TMEM132C: variants seen among roughly 807,000 people sequenced by gnomAD.
TMEM132C encodes the protein transmembrane protein 132C, also known as protein phosphatase 1, regulatory subunit 152.
A neutral mutation model predicts 61.4 loss-of-function variants in TMEM132C; 29 were observed. The observed-to-expected ratio is 0.47, with a 90% CI of 0.35 to 0.64. The LOEUF (loss-of-function observed/expected upper bound fraction) is 0.64, where lower values mean the gene tolerates loss of function less well. Among genes scored for constraint, TMEM132C ranks in the 30% least tolerant of loss-of-function variants. The pLI is 0.00. For missense variants in TMEM132C, 1,408 were observed against 1,476.9 expected, an observed-to-expected ratio of 0.95 and a Z score of 0.76; for synonymous variants, 656 against 633.1, an observed-to-expected ratio of 1.04 and a Z score of -0.54.
At chr12:128,392,764 A>G (rs1422626656) in intron 1 of TMEM132C, among the ~76,000 whole-genome samples, 1 of 150,990 alleles carries the variant, frequency 6.6e-6, no homozygotes, top group Middle Eastern at 3.2e-3. Context: ...AAATACACTA[A>G]CACTAATGAT....
rs79484188 is a variant in TMEM132C at position 128,287,866 on chromosome 12, G to A, written c.85+20379G>A. ...TCTTCATAACTCTGACGTGTTTGAAGAGTACAGGCCAGGTTTTTTAGAAGA... is the reference window on the plus strand; with the variant it reads ...TCTTCATAACTCTGACGTGTTTGAAAAGTACAGGCCAGGTTTTTTAGAAGA... On this transcript the variant is annotated intron_variant, in intron 1 of 8. Transcript: ENST00000435159. Among the ~76,000 whole-genome samples, 1,022 of 152,250 alleles carry A rather than the reference G, an allele frequency of 6.7e-3. 10 individuals carry two copies. The highest frequency in any genetic ancestry group is 6.0e-3 in the Admixed American group (92 of 15,298).
chr12:128,472,185 A>T (rs1055439702), intron 2 of TMEM132C, among the ~76,000 whole-genome samples: 1 of 152,290 alleles, frequency 6.6e-6, no homozygotes, highest in East Asian at 1.9e-4. Context: ...TCTGGGCTAC[A>T]TAATAACTCG....
rs1396865000 is a variant in TMEM132C, at chr12:128,570,948, C to G, written c.1121+26845C>G. On this transcript the variant is annotated intron_variant, in intron 3 of 8. Transcript: ENST00000435159. This position sits in a 1 kb window ranked among gnomAD's most constrained non-coding sequence, Gnocchi z 4.7. ...TATTTTCACTTTGGCACGTTACCAC[C>G]CTGAAAAGATCAGGGCTTTGTTAGC... 2.0e-5 allele frequency among the ~76,000 whole-genome samples: 3 copies of G among 152,144 alleles called. No homozygotes were observed. Among genetic ancestry groups the G allele is most frequent in the African/African-American group, 7.2e-5 (3 of 41,408 alleles).
At chr12:128,300,499 TGTG>T (rs1444503721) in intron 1 of TMEM132C, among the ~76,000 whole-genome samples, 3 of 152,142 alleles carry the variant, frequency 2.0e-5, no homozygotes, top group Non-Finnish European at 4.4e-5. Flanking sequence ...ACAGCATAGT[TGTG>T]GTGGGCACTC....
At chr12:128,285,719 CTT>C (rs1871035775) in intron 1 of TMEM132C, among the ~76,000 whole-genome samples, 1 of 144,434 alleles carries the variant, frequency 6.9e-6, no homozygotes, top group African/African-American at 2.7e-5. Context: ...CCCTTTCTCT[CTT>C]TCTCTCTCTC....
At chr12:128,449,252 C>A (rs575279029) in intron 2 of TMEM132C, among the ~76,000 whole-genome samples, 8 of 151,856 alleles carry the variant, frequency 5.3e-5, no homozygotes, top group Non-Finnish European at 1.2e-4. Flanking sequence ...GAGTTTGGAG[C>A]CAGAAGGCTG....
intron 2 of TMEM132C, among the ~76,000 whole-genome samples, chr12:128,538,883 C>T (rs1336300664): frequency 1.3e-5 from 2 of 152,152 alleles, no homozygotes; most frequent in African/African-American, 2.4e-5. Context: ...AATATAAGTA[C>T]ATGTGCTAAT....
At chr12:128,663,676 T>C (rs1214482972) in intron 4 of TMEM132C, among the ~76,000 whole-genome samples, 6 of 151,404 alleles carry the variant, frequency 4.0e-5, no homozygotes, top group Non-Finnish European at 8.8e-5. Flanking sequence ...AAATTACTTC[T>C]ATGTATAGGT....
At chr12:128,380,431 G>GCATTCTTGCTGCA (rs1281713945) in intron 1 of TMEM132C, among the ~76,000 whole-genome samples, 1 of 152,224 alleles carries the variant, frequency 6.6e-6, no homozygotes, top group Non-Finnish European at 1.5e-5. Context: ...ATGCCACTGA[G>GCATTCTTGCTGCA]TCACAGCAAG....
At chr12:128,588,744 G>T (rs989603593) in intron 3 of TMEM132C, among the ~76,000 whole-genome samples, 1 of 152,174 alleles carries the variant, frequency 6.6e-6, no homozygotes, top group Non-Finnish European at 1.5e-5. Context: ...TGAGGACACA[G>T]CATCTATGAA....
At chr12:128,393,943 C>A (rs1036287889) in intron 1 of TMEM132C, among the ~76,000 whole-genome samples, 1 of 152,122 alleles carries the variant, frequency 6.6e-6, no homozygotes, top group African/African-American at 2.4e-5. Context: ...TAAGTGCATG[C>A]GAGGCTGAGA....
chr12:128,661,639 T>C lies in TMEM132C; in HGVS notation c.1306-7778T>C, dbSNP rs148220347. On this transcript the variant is annotated intron_variant, in intron 4 of 8. Coordinates refer to ENST00000435159, the MANE Select transcript of TMEM132C (RefSeq NM_001136103.3). ...CAAAGGCAAAGAATTTGAAACACTG[T>C]AAGTTTCCATGGGTAAGAGAATGGA... Among the ~76,000 whole-genome samples the C allele has an allele frequency of 1.1e-3, 162 of 151,322 alleles. 1 individual carries two copies. The highest frequency in any genetic ancestry group is 1.9e-3 in the Non-Finnish European group (127 of 67,932).
intron 2 of TMEM132C, among the ~76,000 whole-genome samples, chr12:128,420,009 G>A (rs543092819): frequency 1.8e-4 from 27 of 152,014 alleles, no homozygotes; most frequent in African/African-American, 6.0e-4. Flanking sequence ...CCTAGCCAAC[G>A]TGGTGAAACC....
intron 2 of TMEM132C, among the ~76,000 whole-genome samples, chr12:128,542,154 G>T (rs562831583): frequency 3.9e-5 from 6 of 152,212 alleles, no homozygotes; most frequent in Admixed American, 2.0e-4. Flanking sequence ...AAACTGTGTT[G>T]GTTGTTGACT....
intron 1 of TMEM132C, among the ~76,000 whole-genome samples, chr12:128,297,779 A>T (rs566383456): frequency 2.0e-5 from 3 of 152,222 alleles, no homozygotes; most frequent in Admixed American, 2.0e-4. Context: ...ATTTTTCAAA[A>T]AAAAGTTAAA....
chr12:128,416,129 T>G (rs1868774457), intron 2 of TMEM132C, among the ~76,000 whole-genome samples: 1 of 152,124 alleles, frequency 6.6e-6, no homozygotes. Flanking sequence ...ACTGCATGAG[T>G]ACAGCTTAGC....
At chr12:128,312,009 C>A (rs1380941864) in intron 1 of TMEM132C, among the ~76,000 whole-genome samples, 3 of 152,192 alleles carry the variant, frequency 2.0e-5, no homozygotes, top group Admixed American at 1.3e-4. Flanking sequence ...CTGAAAGGGA[C>A]CCCGGAGCGG....
intron 1 of TMEM132C, among the ~76,000 whole-genome samples, chr12:128,357,072 T>C (rs1209587293): frequency 6.6e-6 from 1 of 152,180 alleles, no homozygotes; most frequent in Non-Finnish European, 1.5e-5. Context: ...TTAAGTTAAA[T>C]ACAGAATTAC....
chr12:128,286,759 T>C (rs1272350822), intron 1 of TMEM132C, among the ~76,000 whole-genome samples: 3 of 152,108 alleles, frequency 2.0e-5, no homozygotes, highest in Non-Finnish European at 1.5e-5. Flanking sequence ...GACATTGAAG[T>C]TCCCATCCAG....
Sources: gnomAD v4.1 joint callset for allele counts (sites outside exome capture counted in the v4.1 genomes callset) on GRCh38, gnomAD v4.1.1 for gene constraint, Gnocchi (gnomAD v3.1) non-coding constraint, MANE v1.5 for transcripts, NCBI Gene and HGNC (gene_info 2026-07-23, HGNC 2026-07-21) for gene names.